STRBP: variants seen among roughly 807,000 people sequenced by gnomAD.
STRBP encodes spermatid perinuclear RNA binding protein.
A neutral mutation model predicts 80.1 loss-of-function variants in STRBP; 13 were observed. That is an observed-to-expected ratio of 0.16 (90% CI 0.11 to 0.26). The LOEUF (loss-of-function observed/expected upper bound fraction) is 0.26, where lower values mean the gene tolerates loss of function less well. STRBP is among the 10% of genes least tolerant of loss of function. The probability of loss-of-function intolerance (pLI) is 1.00; values close to 1 mark genes in which losing one functional copy is unlikely to be tolerated. For missense variants in STRBP, 485 were observed against 815.2 expected, an observed-to-expected ratio of 0.59 and a Z score of 4.93; for synonymous variants, 284 against 291.2, an observed-to-expected ratio of 0.98 and a Z score of 0.25.
At chr9:123,246,349 A>G (rs890976134) in intron 1 of STRBP, among the ~76,000 whole-genome samples, 4 of 152,236 alleles carry the variant, frequency 2.6e-5, no homozygotes, top group Non-Finnish European at 5.9e-5. Flanking sequence ...CACATACCAC[A>G]TAATTCAACA....
At chr9:123,141,957 A>G (rs1223273519) in intron 13 of STRBP, among the ~76,000 whole-genome samples, 1 of 152,248 alleles carries the variant, frequency 6.6e-6, no homozygotes, top group East Asian at 1.9e-4. Flanking sequence ...CCTCTGAGCC[A>G]TGTTTTCATC....
At chr9:123,260,252 C>A (rs2041132466) in intron 1 of STRBP, among the ~76,000 whole-genome samples, 1 of 152,100 alleles carries the variant, frequency 6.6e-6, no homozygotes, top group Non-Finnish European at 1.5e-5. Flanking sequence ...AGTCAAATAA[C>A]CCAATGAAGA....
At chr9:123,190,379 CTCT>C (rs2038878918) in intron 2 of STRBP, among the ~76,000 whole-genome samples, 1 of 151,770 alleles carries the variant, frequency 6.6e-6, no homozygotes, top group South Asian at 2.1e-4. Context: ...ATTCAACTTT[CTCT>C]ACATGGTGGC....
intron 2 of STRBP, among the ~76,000 whole-genome samples, chr9:123,235,567 T>G (rs975891997): frequency 1.5e-5 from 1 of 67,990 alleles, no homozygotes; most frequent in African/African-American, 5.7e-5. Flanking sequence ...AGAATCTGGA[T>G]GAAGAGACAA....
chr9:123,120,086 G>A (rs1303892144), downstream of STRBP, among the ~76,000 whole-genome samples: 1 of 151,906 alleles, frequency 6.6e-6, no homozygotes, highest in Non-Finnish European at 1.5e-5. Context: ...AGAAAGGAAG[G>A]GACTCATTCT....
intron 3 of STRBP, among the ~76,000 whole-genome samples, chr9:123,181,586 C>T (rs1034399751): frequency 5.3e-5 from 8 of 151,558 alleles, no homozygotes; most frequent in Non-Finnish European, 8.8e-5. Context: ...CACCTGAGGT[C>T]GGCAGTTCGA....
At chr9:123,146,785 T>A in intron 13 of STRBP, 70 bp downstream of exon 13, 2 of 1,290,390 alleles carry the variant, frequency 1.5e-6, no homozygotes, top group Non-Finnish European at 2.1e-6. Flanking sequence ...GATAATTTAT[T>A]ATAGGAAAAT....
At chr9:123,159,261 C>T (rs1430800335) in intron 8 of STRBP, 54 bp from the exon 9 acceptor site, 1 of 1,295,290 alleles carries the variant, frequency 7.7e-7, no homozygotes, top group South Asian at 1.3e-5. Context: ...AAAAGGATTC[C>T]AGTTAAATGT....
intron 16 of STRBP, among the ~76,000 whole-genome samples, chr9:123,134,872 A>G (rs759300991): frequency 6.6e-6 from 1 of 152,252 alleles, no homozygotes; most frequent in East Asian, 1.9e-4. Flanking sequence ...TATGTTTACC[A>G]GAAGATTTTA....
At chr9:123,229,036 C>T (rs563102063) in intron 2 of STRBP, among the ~76,000 whole-genome samples, 20 of 152,258 alleles carry the variant, frequency 1.3e-4, no homozygotes, top group African/African-American at 3.9e-4. Context: ...TGTTATAATA[C>T]GCATGAACCT....
intron 1 of STRBP, among the ~76,000 whole-genome samples, chr9:123,248,529 C>CAA (rs1308505568): frequency 1.3e-5 from 2 of 152,050 alleles, no homozygotes; most frequent in African/African-American, 2.4e-5. Flanking sequence ...CTCAGCCTCC[C>CAA]AAAGTGCTGG....
intron 8 of STRBP, 71 bp downstream of exon 8, chr9:123,160,296 A>G: frequency 9.1e-7 from 1 of 1,104,584 alleles, no homozygotes; most frequent in Non-Finnish European, 1.3e-6. Flanking sequence ...TTTTAAAGTA[A>G]CATCTCATTT....
chr9:123,139,833 G>C, intron 13 of STRBP, 146 bp from the exon 14 acceptor site: 1 of 770,380 alleles, frequency 1.3e-6, no homozygotes. Flanking sequence ...AAATCTGTAA[G>C]TCCTTGGTTA....
At chr9:123,224,559 G>A (rs16926278) in intron 2 of STRBP, among the ~76,000 whole-genome samples, 2,408 of 152,186 alleles carry the variant, frequency 0.016, 34 homozygotes, top group South Asian at 0.07. Flanking sequence ...CATTTACTAC[G>A]TGTTCTAGGC....
Position 123,218,595 on chromosome 9 carries a change from TC to T in STRBP, c.-165+18234del, listed in dbSNP as rs1182719515. Among the ~76,000 whole-genome samples, 4 of 151,240 alleles carry T rather than the reference TC, an allele frequency of 2.6e-5. No individual in the cohort carries two copies. In the East Asian group the frequency reaches 7.8e-4, roughly 29 times the overall value. Reference sequence around the variant, plus strand: ...CTTGTTAGCCAGGATGGTCTCGATCTCCTGACCTCATGATCCACCCGCCTCG... The same window carrying T: ...CTTGTTAGCCAGGATGGTCTCGATCTCTGACCTCATGATCCACCCGCCTCG... On this transcript the variant is annotated intron_variant, in intron 2 of 18. Transcript: ENST00000348403.
intron 2 of STRBP, among the ~76,000 whole-genome samples, chr9:123,191,630 A>C (rs900579404): frequency 6.6e-6 from 1 of 152,158 alleles, no homozygotes; most frequent in East Asian, 1.9e-4. Flanking sequence ...AATTACGGAC[A>C]CTGAAATTTG....
intron 11 of STRBP, among the ~76,000 whole-genome samples, chr9:123,154,130 T>G (rs939080905): frequency 6.6e-6 from 1 of 152,224 alleles, no homozygotes; most frequent in Non-Finnish European, 1.5e-5. Flanking sequence ...TTTATGTGTA[T>G]ACCTCAGGAG....
At chr9:123,215,682 G>A (rs1397777938) in intron 2 of STRBP, among the ~76,000 whole-genome samples, 3 of 152,176 alleles carry the variant, frequency 2.0e-5, no homozygotes, top group Admixed American at 2.0e-4. Flanking sequence ...ATACAGGGGA[G>A]GCAGAGGCAG....
In STRBP at chr9:123,170,053, G is replaced by C. The variant is rs2037942169; in HGVS notation, c.391-7C>G. 1 of 1,592,278 alleles carries C rather than the reference G, an allele frequency of 6.3e-7. No individual in the cohort carries two copies. The highest frequency in any genetic ancestry group is 1.4e-5 in the African/African-American group (1 of 73,478). On this transcript the variant is annotated splice_polypyrimidine_tract_variant and splice_region_variant and intron_variant, in intron 5 of 18. Transcript: ENST00000348403. ...ATTTCTCTTCTGTGAGTTTCTGAAA[G>C]TCACCAAGATTTCAAAATCACCCAG...
Sources: gnomAD v4.1 joint callset for allele counts (sites outside exome capture counted in the v4.1 genomes callset) on GRCh38, gnomAD v4.1.1 for gene constraint, MANE v1.5 for transcripts, NCBI Gene and HGNC (gene_info 2026-07-23, HGNC 2026-07-21) for gene names.